The following TSPAN2 variants were observed in gnomAD, a reference collection of about 807,000 sequenced individuals.
TSPAN2 encodes the protein tetraspanin 2.
A neutral mutation model predicts 33.3 loss-of-function variants in TSPAN2; 24 were observed. That is an observed-to-expected ratio of 0.72 (90% CI 0.52 to 1.01). The LOEUF (loss-of-function observed/expected upper bound fraction) is 1.01. Ranked by LOEUF, TSPAN2 falls within the 50% of genes least tolerant of loss-of-function variation. The pLI, the probability that TSPAN2 is intolerant of heterozygous loss-of-function variation, is 0.00. For synonymous variants in TSPAN2, 114 were observed against 104.5 expected, an observed-to-expected ratio of 1.09 and a Z score of -0.56; for missense variants, 278 against 281.3, an observed-to-expected ratio of 0.99 and a Z score of 0.08.
intron 1 of TSPAN2, among the ~76,000 whole-genome samples, chr1:115,079,271 A>T (rs1407583449): frequency 6.6e-6 from 1 of 152,200 alleles, no homozygotes; most frequent in African/African-American, 2.4e-5. Flanking sequence ...TTTGGGATGA[A>T]GTCACAAAAT....
chr1:115,089,326 C>G (rs1203045468), intron 1 of TSPAN2, 38 bp downstream of exon 1: 1 of 1,531,080 alleles, frequency 6.5e-7, no homozygotes, highest in Non-Finnish European at 8.8e-7. Context: ...GCCACCCGGC[C>G]CCCTGCCCTG....
intron 6 of TSPAN2, among the ~76,000 whole-genome samples, chr1:115,054,784 C>T (rs376369106): frequency 1.6e-4 from 25 of 152,010 alleles, no homozygotes; most frequent in Non-Finnish European, 2.8e-4. Context: ...GTCAGGAGAT[C>T]GAGACCAGCC....
At chr1:115,067,411 T>C (rs1647992963) in intron 2 of TSPAN2, among the ~76,000 whole-genome samples, 1 of 152,218 alleles carries the variant, frequency 6.6e-6, no homozygotes, top group Non-Finnish European at 1.5e-5. Flanking sequence ...TTCCTACCCT[T>C]CAGTTTCGTT....
At chr1:115,078,483 G>T (rs901778176) in intron 1 of TSPAN2, among the ~76,000 whole-genome samples, 2 of 152,132 alleles carry the variant, frequency 1.3e-5, no homozygotes, top group Non-Finnish European at 2.9e-5. Flanking sequence ...GGATATGTGG[G>T]GTTGGGGCTT....
rs538906377 is a variant in TSPAN2, at chr1:115,048,457, C to A, written c.*2033G>T. On this transcript the variant is annotated 3_prime_UTR_variant, in exon 8 of 8. Coordinates refer to ENST00000369516, the MANE Select transcript of TSPAN2 (RefSeq NM_005725.6). ...TTATCTCCAAAAGGGGCACATTAAT[C>A]GTACATGGAACAGAACCCTTCTCTT... 2 of 151,910 alleles carry A rather than the reference C, an allele frequency of 1.3e-5. No individual in the cohort carries two copies. The highest frequency in any genetic ancestry group is 1.3e-4 in the Admixed American group (2 of 15,256). The allele number at this position is 151,910 out of a possible 1,614,324, so 9.4% of individuals were successfully genotyped here.
chr1:115,075,965 T>C (rs547694999), intron 1 of TSPAN2, among the ~76,000 whole-genome samples: 2 of 152,258 alleles, frequency 1.3e-5, no homozygotes, highest in Admixed American at 1.3e-4. Context: ...CCAGGTACTG[T>C]GCTCAGTGTC....
chr1:115,084,675 C>G (rs1461467390), intron 1 of TSPAN2, among the ~76,000 whole-genome samples: 1 of 152,192 alleles, frequency 6.6e-6, no homozygotes, highest in Non-Finnish European at 1.5e-5. Context: ...AGAATACTTT[C>G]TTTAGGTATT....
At chr1:115,073,451 A>T (rs2101040108) in intron 1 of TSPAN2, among the ~76,000 whole-genome samples, 1 of 152,172 alleles carries the variant, frequency 6.6e-6, no homozygotes, top group African/African-American at 2.4e-5. Context: ...AGCACGATGA[A>T]CTCCAAGACC....
chr1:115,088,036 T>C (rs1441022132), intron 1 of TSPAN2, among the ~76,000 whole-genome samples: 1 of 152,184 alleles, frequency 6.6e-6, no homozygotes, highest in Non-Finnish European at 1.5e-5. Context: ...TCCTAAAAAA[T>C]ACAACATAAA....
chr1:115,050,600 G>A (rs1184194803), intron 7 of TSPAN2, 45 bp from the exon 8 acceptor site: 5 of 1,564,902 alleles, frequency 3.2e-6, no homozygotes, highest in Non-Finnish European at 4.4e-6. Context: ...AACGGGTACT[G>A]ATAGGTAAAA....
At chr1:115,059,855 A>T (rs1207466824) in intron 4 of TSPAN2, among the ~76,000 whole-genome samples, 1 of 152,230 alleles carries the variant, frequency 6.6e-6, no homozygotes, top group African/African-American at 2.4e-5. Context: ...TATTAATGAC[A>T]CAAGAGTTAA....
chr1:115,052,976 C>A (rs987407065), intron 7 of TSPAN2, among the ~76,000 whole-genome samples: 1 of 152,142 alleles, frequency 6.6e-6, no homozygotes, highest in African/African-American at 2.4e-5. Flanking sequence ...CCATGTGATG[C>A]CAGAGCTCGC....
In TSPAN2 at chr1:115,077,632, A is replaced by G. The variant is rs1357226375; in HGVS notation, c.70-4625T>C. On this transcript the variant is annotated intron_variant, in intron 1 of 7. Transcript: ENST00000369516. Reference sequence around the variant, plus strand: ...CAAAAAGTTTTCTTTAATAATGGCTATCTGCCAAAAAAAAGTCATCGTGCA... The same window carrying G: ...CAAAAAGTTTTCTTTAATAATGGCTGTCTGCCAAAAAAAAGTCATCGTGCA... Among the ~76,000 whole-genome samples the G allele has an allele frequency of 2.6e-5, 4 of 152,222 alleles. No individual in the cohort carries two copies. In the East Asian group the frequency reaches 7.7e-4, roughly 29 times the overall value.
At chr1:115,075,597 A>G (rs1648373031) in intron 1 of TSPAN2, among the ~76,000 whole-genome samples, 1 of 152,194 alleles carries the variant, frequency 6.6e-6, no homozygotes, top group Non-Finnish European at 1.5e-5. Flanking sequence ...CACCAGTTCC[A>G]GTCCAGTCAG....
At chr1:115,061,379 A>G (rs1242165296) in intron 3 of TSPAN2, among the ~76,000 whole-genome samples, 1 of 152,200 alleles carries the variant, frequency 6.6e-6, no homozygotes, top group African/African-American at 2.4e-5. Context: ...CAGTTAATTG[A>G]AATTATTTGA....
At chr1:115,081,149 G>A (rs2101047126) in intron 1 of TSPAN2, among the ~76,000 whole-genome samples, 1 of 152,326 alleles carries the variant, frequency 6.6e-6, no homozygotes, top group South Asian at 2.1e-4. Context: ...AGCAGAAATT[G>A]TGAAAGTCTA....
chr1:115,070,764 CTAATGCACCCACTGCAA>C (rs1229858878), intron 2 of TSPAN2, among the ~76,000 whole-genome samples: 1 of 152,162 alleles, frequency 6.6e-6, no homozygotes, highest in Non-Finnish European at 1.5e-5. Context: ...AGAATGACCT[CTAATGCACCCACTGCAA>C]ATACCACTTA....
At chr1:115,060,364 A>G (rs1647665503) in intron 4 of TSPAN2, 100 bp downstream of exon 4, 4 of 973,044 alleles carry the variant, frequency 4.1e-6, no homozygotes, top group South Asian at 1.5e-5. Context: ...TGTTTAAACT[A>G]TAATAATGGG....
At chr1:115,050,677 A>G in intron 7 of TSPAN2, 122 bp from the exon 8 acceptor site, 1 of 758,482 alleles carries the variant, frequency 1.3e-6, no homozygotes, top group Non-Finnish European at 2.3e-6. Context: ...ATTACCAGTC[A>G]CAAATGACAT....
Sources: gnomAD v4.1 joint callset for allele counts (sites outside exome capture counted in the v4.1 genomes callset) on GRCh38, gnomAD v4.1.1 for gene constraint, MANE v1.5 for transcripts, NCBI Gene and HGNC (gene_info 2026-07-23, HGNC 2026-07-21) for gene names.